The following GPR153 variants were observed in gnomAD, a reference collection of about 807,000 sequenced individuals.
The protein encoded by GPR153 is probable G protein-coupled receptor 153.
A neutral mutation model predicts 34.1 loss-of-function variants in GPR153; 27 were observed. The observed-to-expected ratio is 0.79, with a 90% CI of 0.58 to 1.09. GPR153 has a LOEUF of 1.09. Ranked by LOEUF, GPR153 falls within the 50% of genes least tolerant of loss-of-function variation. The pLI is 0.00. For synonymous variants in GPR153, 408 were observed against 405.4 expected, an observed-to-expected ratio of 1.01 and a Z score of -0.08; for missense variants, 848 against 860.2, an observed-to-expected ratio of 0.99 and a Z score of 0.18.
chr1:6,249,368 C>T lies in GPR153; in HGVS notation c.1800G>A (p.Leu600=), dbSNP rs1327824032. 1.9e-5 allele frequency: 25 copies of T among 1,345,266 alleles called. No homozygotes were observed. The highest frequency in any genetic ancestry group is 2.4e-5 in the Non-Finnish European group (25 of 1,053,366). 83.3% of individuals were successfully genotyped at this position (1,345,266 alleles called of 1,614,324 possible). ...ACGCGGAGCCCAGCGAGTCCGAGTG[C>T]AGCGTGGCGTAGCCCGAGGACTCGG... ...SPSESSGYAT[L]HSDSLGSAS is the part of the protein sequence containing the mutation. The change falls in exon 6 of 6, where the codon CTG becomes CTA. Residue 600 remains leucine (L), a synonymous_variant. Transcript: ENST00000377893. The surrounding 1 kb of genome is among the most constrained non-coding windows in gnomAD (Gnocchi z 4.3).
At chr1:6,255,623 C>T (rs190987801) in intron 1 of GPR153, among the ~76,000 whole-genome samples, 2 of 147,120 alleles carry the variant, frequency 1.4e-5, no homozygotes, top group East Asian at 2.0e-4. Context: ...TACAGGCCTG[C>T]ACCACTATGC....
At position 6,249,845 on chromosome 1, in the gene GPR153, C is replaced by T. The variant is rs1638398470; in HGVS notation, c.1323G>A (p.Leu441=). ...ACGGTGGTGCGTCCTCCGCGAAGGC[C>T]AGGAGGCTGGCGCGGCGCCGCTCGG... ...AGPERRRASL[L]AFAEDAPPSR... Residue 441 remains leucine (L), a synonymous_variant, in exon 6 of 6, where the codon CTG becomes CTA. Transcript: ENST00000377893. This position sits in a 1 kb window ranked among gnomAD's most constrained non-coding sequence, Gnocchi z 4.3. 1 of 1,260,634 alleles carries T rather than the reference C, an allele frequency of 7.9e-7. No individual in the cohort carries two copies. Among genetic ancestry groups the T allele is most frequent in the Non-Finnish European group, 1.0e-6 (1 of 1,001,784 alleles). The allele number at this position is 1,260,634 out of a possible 1,614,324, so 78.1% of individuals were successfully genotyped here. A position where few individuals can be genotyped will look rare whatever the true frequency, so the allele number is the denominator to read the frequency against.
chr1:6,250,334 C>T (rs1638413612), intron 5 of GPR153, 106 bp downstream of exon 5: 3 of 1,456,868 alleles, frequency 2.1e-6, no homozygotes, highest in East Asian at 2.5e-5. Flanking sequence ...ACAGCCACCC[C>T]TGCGACTGCA....
At position 6,248,975 on chromosome 1, in the gene GPR153, G is replaced by A. The variant is rs1237020454; in HGVS notation, c.*363C>T. On this transcript the variant is annotated 3_prime_UTR_variant, in exon 6 of 6. Coordinates refer to ENST00000377893, the MANE Select transcript of GPR153 (RefSeq NM_207370.4). ...AAGCGGGGCTTTGTCCGATCCCGCA[G>A]TGGCCCTGTCTCAGGTTCCCTGCTC... The A allele has an allele frequency of 1.6e-5, 3 of 190,060 alleles. No homozygotes were observed. The highest frequency in any genetic ancestry group is 3.2e-5 in the Non-Finnish European group (3 of 93,464). The allele number at this position is 190,060 out of a possible 1,614,324, so 11.8% of individuals were successfully genotyped here.
intron 1 of GPR153, among the ~76,000 whole-genome samples, chr1:6,258,039 T>TG (rs900139772): frequency 6.6e-6 from 1 of 152,178 alleles, no homozygotes; most frequent in African/African-American, 2.4e-5. Flanking sequence ...CAGCTCAAGG[T>TG]GGGGGGCCAC....
In GPR153 at chr1:6,251,664, G is replaced by T; in HGVS notation, c.787-134C>A. ...CTGCCAAGGAGAAGGGGCCCTTGGGGAGAAAAGAGCTGGAGCGTGGCAGTG... is the reference window on the plus strand; with the variant it reads ...CTGCCAAGGAGAAGGGGCCCTTGGGTAGAAAAGAGCTGGAGCGTGGCAGTG... On this transcript the variant is annotated intron_variant, in intron 3 of 5. Coordinates refer to ENST00000377893, the MANE Select transcript of GPR153 (RefSeq NM_207370.4). The surrounding 1 kb of genome is among the most constrained non-coding windows in gnomAD (Gnocchi z 4.9). The T allele has an allele frequency of 9.7e-7, 1 of 1,031,878 alleles. No homozygotes were observed. Among genetic ancestry groups the T allele is most frequent in the Non-Finnish European group, 1.4e-6 (1 of 736,806 alleles). 63.9% of individuals were successfully genotyped at this position (1,031,878 alleles called of 1,614,324 possible). A position where few individuals can be genotyped will look rare whatever the true frequency, so the allele number is the denominator to read the frequency against.
At position 6,249,065 on chromosome 1, in the gene GPR153, C is replaced by A; in HGVS notation, c.*273G>T. 3.0e-6 allele frequency: 1 copy of A among 328,524 alleles called. No individual in the cohort carries two copies. Among genetic ancestry groups the A allele is most frequent in the Admixed American group, 4.9e-5 (1 of 20,396 alleles). The allele number at this position is 328,524 out of a possible 1,614,324, so 20.4% of individuals were successfully genotyped here. A position where few individuals can be genotyped will look rare whatever the true frequency, so the allele number is the denominator to read the frequency against. On this transcript the variant is annotated 3_prime_UTR_variant, in exon 6 of 6. Transcript: ENST00000377893. The surrounding 1 kb of genome is among the most constrained non-coding windows in gnomAD (Gnocchi z 4.3). Reference sequence around the variant, plus strand: ...GACGTGTGCACATGTCACTCACTACCCAAGCCCAAGCTTGGGATGTCACTC... The same window carrying A: ...GACGTGTGCACATGTCACTCACTACACAAGCCCAAGCTTGGGATGTCACTC...
rs776741513 is a variant in GPR153 at position 6,250,511 on chromosome 1, C to T, written c.1093G>A (p.Ala365Thr). ...AGCTGGGGCAGGCCCCCCTCCAGGG[C>T]GGAGATCTCATACTTGGCCATCCTA... ...LDRMAKYEIS[A>T]LEGGLPQLYP... The change falls in exon 5 of 6, where the codon GCC (alanine) becomes ACC (threonine). Residue 365 changes from alanine (A) to threonine (T), a missense_variant. Ala to Thr is a moderately conservative substitution (Grantham distance 58, BLOSUM62 0). Transcript: ENST00000377893. 76 of 1,609,624 alleles carry T rather than the reference C, an allele frequency of 4.7e-5. No homozygotes were observed. The highest frequency in any genetic ancestry group is 5.9e-5 in the Non-Finnish European group (69 of 1,178,428).
chr1:6,253,981 A>C lies in GPR153; in HGVS notation c.523T>G (p.Cys175Gly). ...CTGCCGCCCACCAGCAGCAGGAAGC[A>C]GACGCCAAAGCCCAGGCCGATCTCA... ...VAEIGLGFGV[C>G]FLLLVGGSVA... The change falls in exon 3 of 6, where the codon TGC becomes GGC. Residue 175 changes from cysteine to glycine, a missense_variant. By Grantham distance (159) the Cys-to-Gly change is radical. Transcript: ENST00000377893. 6.2e-7 allele frequency: 1 copy of C among 1,613,142 alleles called. No homozygotes were observed. Among genetic ancestry groups the C allele is most frequent in the Non-Finnish European group, 8.5e-7 (1 of 1,179,852 alleles).
At position 6,248,869 on chromosome 1, in the gene GPR153, C is replaced by CA. The variant is rs1638360996; in HGVS notation, c.*468_*469insT. The CA allele has an allele frequency of 6.5e-6, 1 of 153,806 alleles. No homozygotes were observed. The highest frequency in any genetic ancestry group is 1.4e-5 in the Non-Finnish European group (1 of 69,246). The allele number at this position is 153,806 out of a possible 1,614,324, so 9.5% of individuals were successfully genotyped here. A position where few individuals can be genotyped will look rare whatever the true frequency, so the allele number is the denominator to read the frequency against. Reference sequence around the variant, plus strand: ...TTAGAGACCCTCTGTACCCTCCCCCCCCCCGAAGGGTGTGGCGGTTATGGT... The same window carrying CA: ...TTAGAGACCCTCTGTACCCTCCCCCCACCCCGAAGGGTGTGGCGGTTATGGT... On this transcript the variant is annotated 3_prime_UTR_variant, in exon 6 of 6. Transcript: ENST00000377893.
intron 2 of GPR153, 148 bp from the exon 3 acceptor site, chr1:6,254,295 T>C: frequency 1.3e-6 from 1 of 762,924 alleles, no homozygotes; most frequent in Non-Finnish European, 2.1e-6. Flanking sequence ...TGGCAGGGCC[T>C]TGTTCCTTGC....
chr1:6,252,296 G>T (rs1351819415), intron 3 of GPR153, among the ~76,000 whole-genome samples: 2 of 152,200 alleles, frequency 1.3e-5, no homozygotes, highest in Non-Finnish European at 2.9e-5. Context: ...TCTAGAGGGT[G>T]AAGACTCCGG....
In GPR153 at chr1:6,251,581, C is replaced by A; in HGVS notation, c.787-51G>T. On this transcript the variant is annotated intron_variant, in intron 3 of 5. Transcript: ENST00000377893. The surrounding 1 kb of genome is among the most constrained non-coding windows in gnomAD (Gnocchi z 4.9). Reference sequence around the variant, plus strand: ...ACCTGCAGGACCCCCCACCATCACACAAGCTCCCCCTGAGTCTCGGTCTCC... The same window carrying A: ...ACCTGCAGGACCCCCCACCATCACAAAAGCTCCCCCTGAGTCTCGGTCTCC... 6.7e-7 allele frequency: 1 copy of A among 1,498,968 alleles called. No homozygotes were observed. 92.9% of individuals were successfully genotyped at this position (1,498,968 alleles called of 1,614,324 possible). A position where few individuals can be genotyped will look rare whatever the true frequency, so the allele number is the denominator to read the frequency against.
At chr1:6,260,270 C>T (rs1638641310) in intron 1 of GPR153, among the ~76,000 whole-genome samples, 1 of 151,996 alleles carries the variant, frequency 6.6e-6, no homozygotes, top group South Asian at 2.1e-4. Flanking sequence ...CCACGGGGCC[C>T]GGCCTGGCCG....
intron 1 of GPR153, among the ~76,000 whole-genome samples, chr1:6,255,855 T>C (rs754612605): frequency 2.1e-4 from 32 of 151,908 alleles, no homozygotes; most frequent in Non-Finnish European, 4.1e-4. Flanking sequence ...GGTTTCACCA[T>C]GTTGGTCAGG....
chr1:6,254,252 C>A, intron 2 of GPR153, 105 bp from the exon 3 acceptor site: 1 of 1,053,604 alleles, frequency 9.5e-7, no homozygotes, highest in East Asian at 2.4e-5. Flanking sequence ...CACCCCACAC[C>A]CCCAGTATAT....
At chr1:6,260,336 CA>C (rs1638643341) in intron 1 of GPR153, among the ~76,000 whole-genome samples, 1 of 145,800 alleles carries the variant, frequency 6.9e-6, no homozygotes, top group Non-Finnish European at 1.5e-5. Context: ...ACGCCCCCCC[CA>C]GCCCCCGCCC....
chr1:6,249,120 G>A lies in GPR153; in HGVS notation c.*218C>T, dbSNP rs1422275156. 6 of 383,880 alleles carry A rather than the reference G, an allele frequency of 1.6e-5. No individual in the cohort carries two copies. In the Admixed American group the frequency reaches 2.7e-4, roughly 18 times the overall value. The allele number at this position is 383,880 out of a possible 1,614,324, so 23.8% of individuals were successfully genotyped here. The stretch of plus-strand genomic sequence containing the variant: ...CCCCAGGCCCGACCTCACTCGGCCC[G>A]GGACATGCGGTGCCCAGCGCAGTCG... On this transcript the variant is annotated 3_prime_UTR_variant, in exon 6 of 6. Transcript: ENST00000377893. The surrounding 1 kb of genome is among the most constrained non-coding windows in gnomAD (Gnocchi z 4.3).
intron 3 of GPR153, among the ~76,000 whole-genome samples, chr1:6,252,042 C>T (rs1008073990): frequency 2.0e-4 from 31 of 152,316 alleles, no homozygotes; most frequent in African/African-American, 6.5e-4. Flanking sequence ...ACCCCCTTCC[C>T]GGCCAGTGGC....
Sources: gnomAD v4.1 joint callset for allele counts (sites outside exome capture counted in the v4.1 genomes callset) on GRCh38, gnomAD v4.1.1 for gene constraint, Gnocchi (gnomAD v3.1) non-coding constraint, MANE v1.5 for transcripts, NCBI Gene and HGNC (gene_info 2026-07-23, HGNC 2026-07-21) for gene names.